PELI1: variants seen among roughly 807,000 people sequenced by gnomAD.
The protein encoded by PELI1 is pellino E3 ubiquitin protein ligase 1, also known as E3 ubiquitin-protein ligase pellino homolog 1.
In PELI1, 15 loss-of-function variants were observed where a neutral mutation model predicts 41.3. The ratio of observed to expected loss-of-function variants is 0.36; its 90% CI spans 0.24 to 0.56. PELI1 has a LOEUF of 0.56. Among genes scored for constraint, PELI1 ranks in the 20% least tolerant of loss-of-function variants. The pLI, the probability that PELI1 is intolerant of heterozygous loss-of-function variation, is 0.82. For synonymous variants in PELI1, 178 were observed against 180.1 expected, an observed-to-expected ratio of 0.99 and a Z score of 0.09; for missense variants, 403 against 525.5, an observed-to-expected ratio of 0.77 and a Z score of 2.28.
At chr2:64,142,283 A>G (rs954551212) in intron 1 of PELI1, among the ~76,000 whole-genome samples, 9 of 152,212 alleles carry the variant, frequency 5.9e-5, no homozygotes, top group African/African-American at 1.9e-4. Flanking sequence ...GGAACAGGTT[A>G]GAAGGCTTTG....
intron 3 of PELI1, among the ~76,000 whole-genome samples, chr2:64,101,451 T>G (rs1680429677): frequency 6.6e-6 from 1 of 152,218 alleles, no homozygotes; most frequent in Admixed American, 6.5e-5. Context: ...AAAAGAACTT[T>G]TCAGTTTTGT....
rs904063115 is a variant in PELI1, at chr2:64,092,820, G to A, written c.*1882C>T. 4.6e-5 allele frequency: 7 copies of A among 152,238 alleles called. No individual in the cohort carries two copies. Among genetic ancestry groups the A allele is most frequent in the Admixed American group, 2.6e-4 (4 of 15,270 alleles). The allele number at this position is 152,238 out of a possible 1,614,324, so 9.4% of individuals were successfully genotyped here. A position where few individuals can be genotyped will look rare whatever the true frequency, so the allele number is the denominator to read the frequency against. On this transcript the variant is annotated 3_prime_UTR_variant, in exon 7 of 7. Coordinates refer to ENST00000358912, the MANE Select transcript of PELI1 (RefSeq NM_020651.4). ...TTTTCACTTCTGGTTTCTCATTCTC[G>A]ATTATGCAAAAATGAACTCACAGAG...
intron 1 of PELI1, among the ~76,000 whole-genome samples, chr2:64,108,657 T>C (rs1680700965): frequency 6.6e-6 from 1 of 152,202 alleles, no homozygotes; most frequent in Non-Finnish European, 1.5e-5. Context: ...CTGGACATTA[T>C]ATACAAAACA....
chr2:64,121,092 T>TTACA (rs1191406793), intron 1 of PELI1, among the ~76,000 whole-genome samples: 1 of 152,190 alleles, frequency 6.6e-6, no homozygotes, highest in East Asian at 1.9e-4. Context: ...CCCACTTAGG[T>TTACA]TACAGCGAAA....
intron 1 of PELI1, among the ~76,000 whole-genome samples, chr2:64,127,158 A>T (rs941148717): frequency 6.6e-6 from 1 of 152,252 alleles, no homozygotes; most frequent in Non-Finnish European, 1.5e-5. Flanking sequence ...AGGTTGTTAA[A>T]TAACACTTGT....
At chr2:64,111,056 T>C (rs1680793020) in intron 1 of PELI1, among the ~76,000 whole-genome samples, 3 of 152,096 alleles carry the variant, frequency 2.0e-5, no homozygotes, top group Admixed American at 2.0e-4. Flanking sequence ...TTTAATGGGA[T>C]CAAGTATTTC....
chr2:64,096,208 G>A lies in PELI1; in HGVS notation c.607C>T (p.Pro203Ser). The stretch of plus-strand genomic sequence containing the variant: ...ACCGATATTTCTCTCCATATTCCAG[G>A]CTTGGAGTCTTCTGTGAACCCATTG... ...PRNGFTEDSK[P>S]GIWREISVCG... The change falls in exon 6 of 7, where the codon CCT becomes TCT. Residue 203 changes from proline (P) to serine (S), a missense_variant. Coordinates refer to ENST00000358912, the MANE Select transcript of PELI1 (RefSeq NM_020651.4). 6.2e-7 allele frequency: 1 copy of A among 1,613,792 alleles called. No individual in the cohort carries two copies.
chr2:64,143,226 C>A (rs2103755986), intron 1 of PELI1: 1 of 152,250 alleles, frequency 6.6e-6, no homozygotes, highest in East Asian at 1.9e-4. Flanking sequence ...CATTAATTTC[C>A]CTACTCGGAG....
chr2:64,100,660 A>G (rs958908683), intron 3 of PELI1, among the ~76,000 whole-genome samples, 161 bp from the exon 4 acceptor site: 5 of 152,330 alleles, frequency 3.3e-5, no homozygotes, highest in East Asian at 1.9e-4. Context: ...CAGCTGTGAC[A>G]GTAGTTTCTC....
rs1359873382 is a variant in PELI1 at position 64,093,556 on chromosome 2, T to G, written c.*1146A>C. On this transcript the variant is annotated 3_prime_UTR_variant, in exon 7 of 7. Transcript: ENST00000358912. ...GTGCGTCACTCCACGCTGCAGTCAT[T>G]GGTGCTCATCTGCCAACCAAACATT... The G allele has an allele frequency of 1.3e-5, 2 of 152,666 alleles. No individual in the cohort carries two copies. The highest frequency in any genetic ancestry group is 4.8e-5 in the African/African-American group (2 of 41,456). 9.5% of individuals were successfully genotyped at this position (152,666 alleles called of 1,614,324 possible).
At chr2:64,102,835 CT>C (rs1221467456) in intron 3 of PELI1, among the ~76,000 whole-genome samples, 98 of 133,190 alleles carry the variant, frequency 7.4e-4, no homozygotes, top group Admixed American at 1.1e-3. Flanking sequence ...AGGAGTCAAT[CT>C]TTTTTTTTTT....
intron 1 of PELI1, among the ~76,000 whole-genome samples, chr2:64,142,457 A>G (rs1271020267): frequency 6.6e-6 from 1 of 152,234 alleles, no homozygotes; most frequent in Non-Finnish European, 1.5e-5. Context: ...TTACCTGAGG[A>G]AAGAGCTAGT....
chr2:64,115,942 A>G (rs949825654), intron 1 of PELI1, among the ~76,000 whole-genome samples: 3 of 152,242 alleles, frequency 2.0e-5, no homozygotes, highest in Non-Finnish European at 2.9e-5. Context: ...TGTATTTGTC[A>G]ACCATTTCCT....
intron 1 of PELI1, among the ~76,000 whole-genome samples, chr2:64,109,681 AAAACAAAAACAG>A (rs951531594): frequency 4.6e-5 from 7 of 152,322 alleles, no homozygotes; most frequent in South Asian, 2.1e-4. Flanking sequence ...ACTCCATCTC[AAAACAAAAACAG>A]AAACAAAAAC....
chr2:64,101,183 A>G (rs1680417355), intron 3 of PELI1, among the ~76,000 whole-genome samples: 2 of 152,236 alleles, frequency 1.3e-5, no homozygotes, highest in Admixed American at 1.3e-4. Context: ...AGTCATTCAG[A>G]GAGCTATAAA....
chr2:64,136,775 C>T (rs1046395383), intron 1 of PELI1, among the ~76,000 whole-genome samples: 1 of 152,068 alleles, frequency 6.6e-6, no homozygotes, highest in South Asian at 2.1e-4. Flanking sequence ...TAGTGGTGTG[C>T]GCCTATAATC....
chr2:64,102,339 T>C (rs532694850), intron 3 of PELI1, among the ~76,000 whole-genome samples: 22 of 152,144 alleles, frequency 1.4e-4, no homozygotes, highest in African/African-American at 4.3e-4. Flanking sequence ...TACATATATA[T>C]ATACACACGC....
intron 1 of PELI1, among the ~76,000 whole-genome samples, chr2:64,123,578 A>G (rs1681293117): frequency 6.6e-6 from 1 of 152,228 alleles, no homozygotes; most frequent in African/African-American, 2.4e-5. Context: ...GCCATTAGGG[A>G]AATACAAATC....
chr2:64,104,806 G>A lies in PELI1; in HGVS notation c.96C>T (p.Gly32=), dbSNP rs773818352. ...VLGYNGSLPN[G]DRGRRKSRFA... ...ACCTACTTTTCCTCCTTCCTCTATC[G>A]CCATTTGGGAGAGACCCATTATACC... Residue 32 remains glycine (G), a synonymous_variant, in exon 3 of 7, where the codon GGC becomes GGT. Transcript: ENST00000358912. 9 of 1,611,782 alleles carry A rather than the reference G, an allele frequency of 5.6e-6. No homozygotes were observed. In the African/African-American group the frequency reaches 6.7e-5, roughly 12 times the overall value.
Sources: allele counts gnomAD v4.1 joint callset (sites outside exome capture counted in the v4.1 genomes callset), GRCh38; gene constraint gnomAD v4.1.1; transcripts MANE v1.5; gene names NCBI Gene and HGNC (gene_info 2026-07-23, HGNC 2026-07-21).